The following DISP1 variants were observed in gnomAD, a reference collection of about 807,000 sequenced individuals.
DISP1 encodes the protein protein dispatched homolog 1.
Under a neutral mutation model 37.3 loss-of-function variants are expected in DISP1, and 30 were observed. The observed-to-expected ratio is 0.80, with a 90% confidence interval of 0.60 to 1.09. The LOEUF is 1.09. Ranked by LOEUF, DISP1 falls within the 50% of genes least tolerant of loss-of-function variation. The pLI is 0.00. For missense variants in DISP1, 1,598 were observed against 1,879.5 expected (o/e 0.85, Z 2.77); for synonymous variants, 634 against 690.2 (o/e 0.92, Z 1.28).
intron 1 of DISP1, among the ~76,000 whole-genome samples, chr1:222,821,919 GCTCT>G (rs886089738): frequency 1.3e-5 from 2 of 149,770 alleles, no homozygotes; most frequent in Non-Finnish European, 3.0e-5. Flanking sequence ...TTTTCCCTGA[GCTCT>G]CTCTCTTTTC....
intron 1 of DISP1, among the ~76,000 whole-genome samples, chr1:222,828,214 G>A (rs539628624): frequency 6.6e-6 from 1 of 152,252 alleles, no homozygotes; most frequent in South Asian, 2.1e-4. Context: ...CTGACTCCAA[G>A]ACCTAAATTC....
intron 4 of DISP1, among the ~76,000 whole-genome samples, chr1:222,986,994 C>T (rs1022382321): frequency 6.6e-5 from 10 of 151,472 alleles, no homozygotes; most frequent in African/African-American, 2.4e-4. Flanking sequence ...TTTGAAAATT[C>T]TTCTACTCTA....
At chr1:222,825,723 G>T (rs906718305) in intron 1 of DISP1, among the ~76,000 whole-genome samples, 1 of 151,950 alleles carries the variant, frequency 6.6e-6, no homozygotes, top group African/African-American at 2.4e-5. Context: ...GGCTGGTCTC[G>T]AACTCCTGGC....
chr1:222,850,704 G>A (rs1352743572), intron 1 of DISP1, among the ~76,000 whole-genome samples: 1 of 151,886 alleles, frequency 6.6e-6, no homozygotes, highest in Non-Finnish European at 1.5e-5. Context: ...TTGTTTTTTT[G>A]TTCCTGCATT....
intron 2 of DISP1, among the ~76,000 whole-genome samples, chr1:222,932,155 C>T (rs947107223): frequency 1.3e-5 from 2 of 151,884 alleles, no homozygotes; most frequent in African/African-American, 4.8e-5. Flanking sequence ...GTTGCTTGCT[C>T]TTATAGATTG....
intron 1 of DISP1, among the ~76,000 whole-genome samples, chr1:222,832,777 T>C (rs1455351479): frequency 6.6e-6 from 1 of 152,016 alleles, no homozygotes; most frequent in South Asian, 2.1e-4. Flanking sequence ...ATGCCTGTAG[T>C]CCCAGCTACT....
intron 7 of DISP1, among the ~76,000 whole-genome samples, chr1:222,994,162 G>A (rs933985344): frequency 2.6e-5 from 4 of 152,118 alleles, no homozygotes; most frequent in African/African-American, 4.8e-5. Context: ...ATTGCTGTCT[G>A]CATTTTACAA....
chr1:222,901,744 C>G (rs1484005383), intron 1 of DISP1, among the ~76,000 whole-genome samples: 2 of 152,168 alleles, frequency 1.3e-5, no homozygotes, highest in Non-Finnish European at 1.5e-5. Flanking sequence ...CCAGGCTGGT[C>G]TGGAACTCCT....
intron 1 of DISP1, among the ~76,000 whole-genome samples, chr1:222,914,556 C>T (rs1672386070): frequency 6.6e-6 from 1 of 152,130 alleles, no homozygotes; most frequent in Admixed American, 6.6e-5. Flanking sequence ...ACTGCAAATA[C>T]TATTATGAAT....
rs1398450264 is a variant in DISP1 at position 222,990,639 on chromosome 1, T to C, written c.554T>C (p.Ile185Thr). 1.9e-6 allele frequency: 3 copies of C among 1,613,968 alleles called. No homozygotes were observed. The highest frequency in any genetic ancestry group is 1.3e-5 in the African/African-American group (1 of 74,926). Residue 185 changes from isoleucine to threonine, a missense_variant, in exon 5 of 9, where the codon ATA becomes ACA. Coordinates refer to ENST00000675850, the MANE Select transcript of DISP1 (RefSeq NM_001377229.1). ...FKLPKSYAALIADWPVVVLGM... is the reference protein window; with the variant it reads ...FKLPKSYAALTADWPVVVLGM... ...GTGTTTTGTAGTTATGCAGCCCTGA[T>C]AGCCGACTGGCCGGTGGTGGTCTTG...
At chr1:222,930,889 T>C (rs1242492920) in intron 2 of DISP1, among the ~76,000 whole-genome samples, 8 of 152,024 alleles carry the variant, frequency 5.3e-5, no homozygotes, top group Admixed American at 5.3e-4. Context: ...AGAGTTCTCT[T>C]TAACTGTGTT....
intron 1 of DISP1, among the ~76,000 whole-genome samples, chr1:222,918,984 G>A (rs1049487742): frequency 9.9e-5 from 15 of 152,194 alleles, no homozygotes; most frequent in African/African-American, 3.4e-4. Context: ...TGTACAAACC[G>A]TGTGGGTGCC....
intron 3 of DISP1, among the ~76,000 whole-genome samples, chr1:222,968,719 A>G (rs1206314074): frequency 6.6e-6 from 1 of 152,070 alleles, no homozygotes; most frequent in Non-Finnish European, 1.5e-5. Context: ...GGATCACCTA[A>G]GGTCAGGAGT....
At chr1:222,824,442 A>G (rs1663769387) in intron 1 of DISP1, among the ~76,000 whole-genome samples, 1 of 152,062 alleles carries the variant, frequency 6.6e-6, no homozygotes, top group African/African-American at 2.4e-5. Flanking sequence ...TTGCTTATAC[A>G]CTGTTTTCTT....
intron 1 of DISP1, among the ~76,000 whole-genome samples, chr1:222,844,400 C>T (rs914661156): frequency 2.6e-5 from 4 of 152,094 alleles, no homozygotes; most frequent in Admixed American, 2.0e-4. Context: ...CTTGATTGTA[C>T]GCTTAAGTAT....
intron 1 of DISP1, among the ~76,000 whole-genome samples, chr1:222,920,788 A>C (rs1290884784): frequency 6.6e-6 from 1 of 152,104 alleles, no homozygotes; most frequent in African/African-American, 2.4e-5. Context: ...TTTGCTTTAA[A>C]ATATGTACCC....
intron 1 of DISP1, chr1:222,835,293 T>C (rs1666767057): frequency 6.6e-6 from 1 of 152,220 alleles, no homozygotes; most frequent in Admixed American, 6.5e-5. Context: ...AGATAATTAA[T>C]GGTTCTCTTA....
At position 222,907,701 on chromosome 1, in the gene DISP1, C is replaced by A. The variant is rs920290588; in HGVS notation, c.-158-20729C>A. On this transcript the variant is annotated intron_variant, in intron 1 of 8. Coordinates refer to ENST00000675850, the MANE Select transcript of DISP1 (RefSeq NM_001377229.1). ...GTGCAGTGGCTCATGCCTGTAATCCCAGCACTTTGGGAGGCCAAGGTCGGC... is the reference window on the plus strand; with the variant it reads ...GTGCAGTGGCTCATGCCTGTAATCCAAGCACTTTGGGAGGCCAAGGTCGGC... Among the ~76,000 whole-genome samples the A allele has an allele frequency of 3.7e-4, 56 of 152,158 alleles. 1 individual carries two copies. The highest frequency in any genetic ancestry group is 7.4e-5 in the Non-Finnish European group (5 of 68,024).
intron 3 of DISP1, among the ~76,000 whole-genome samples, chr1:222,944,401 C>A (rs1199759483): frequency 6.6e-6 from 1 of 152,052 alleles, no homozygotes; most frequent in Non-Finnish European, 1.5e-5. Context: ...TTACAAAATA[C>A]TAAGTACTTT....
Sources: gnomAD v4.1 joint callset for allele counts (sites outside exome capture counted in the v4.1 genomes callset) on GRCh38, gnomAD v4.1.1 for gene constraint, MANE v1.5 for transcripts, NCBI Gene and HGNC (gene_info 2026-07-23, HGNC 2026-07-21) for gene names.